The following ADARB2 variants were observed in gnomAD, a reference collection of about 807,000 sequenced individuals.
The protein encoded by ADARB2 is inactive double-stranded RNA-specific editase B2.
ADARB2 carries 25 observed loss-of-function variants against 62.2 expected under a neutral mutation model. The ratio of observed to expected loss-of-function variants is 0.40; its 90% CI spans 0.29 to 0.56. The LOEUF (loss-of-function observed/expected upper bound fraction) is 0.56. Among genes scored for constraint, ADARB2 ranks in the 20% least tolerant of loss-of-function variants. The pLI is 0.43. For missense variants in ADARB2, 1,071 were observed against 1,077.4 expected (o/e 0.99, Z 0.08); for synonymous variants, 572 against 500.8 (o/e 1.14, Z -1.90).
intron 1 of ADARB2, among the ~76,000 whole-genome samples, chr10:1,544,007 A>C (rs1164938554): frequency 2.1e-4 from 6 of 28,228 alleles, no homozygotes; most frequent in East Asian, 3.7e-3. Flanking sequence ...CCAAAAAAAA[A>C]AAAAAACAAA....
At chr10:1,352,824 C>A (rs1410564685) in intron 3 of ADARB2, among the ~76,000 whole-genome samples, 2 of 152,164 alleles carry the variant, frequency 1.3e-5, no homozygotes, top group Non-Finnish European at 1.5e-5. Flanking sequence ...GATACCACAC[C>A]TGACCCTCAT....
At chr10:1,188,184 C>T (rs77194440) in intron 8 of ADARB2, 1,877 of 152,520 alleles carry the variant, frequency 0.012, 31 homozygotes, top group East Asian at 0.04. Flanking sequence ...CTCTACTTCA[C>T]GAGGTGATGT....
intron 6 of ADARB2, among the ~76,000 whole-genome samples, chr10:1,221,612 C>T (rs1830696905): frequency 6.6e-6 from 1 of 151,528 alleles, no homozygotes; most frequent in Non-Finnish European, 1.5e-5. Flanking sequence ...GTTCCCCTTC[C>T]TGTGTCCATG....
At chr10:1,649,629 C>T (rs1487563055) in intron 1 of ADARB2, among the ~76,000 whole-genome samples, 2 of 152,204 alleles carry the variant, frequency 1.3e-5, no homozygotes, top group Non-Finnish European at 2.9e-5. Flanking sequence ...ACCCTATAAC[C>T]TGGGCCAGAT....
At chr10:1,540,631 C>T (rs113706838) in intron 1 of ADARB2, among the ~76,000 whole-genome samples, 1 of 89,198 alleles carries the variant, frequency 1.1e-5, no homozygotes, top group African/African-American at 3.9e-5. Context: ...CCCTGGATCA[C>T]AGCCGTCCAG....
rs1038396995 is a variant in ADARB2 at position 1,179,473 on chromosome 10, C to G, written c.*3720G>C. The stretch of plus-strand genomic sequence containing the variant: ...ACCCACAGAAACCCTAACTCTATCC[C>G]TTGATATCACACACGGCTGCAAAAC... On this transcript the variant is annotated 3_prime_UTR_variant, in exon 10 of 10. Transcript: ENST00000381312. The G allele has an allele frequency of 6.6e-6, 1 of 152,270 alleles. No individual in the cohort carries two copies. The highest frequency in any genetic ancestry group is 1.5e-5 in the Non-Finnish European group (1 of 68,054). 9.4% of individuals were successfully genotyped at this position (152,270 alleles called of 1,614,324 possible). A position where few individuals can be genotyped will look rare whatever the true frequency, so the allele number is the denominator to read the frequency against.
intron 1 of ADARB2, among the ~76,000 whole-genome samples, chr10:1,389,579 C>A (rs1832551465): frequency 6.6e-6 from 1 of 151,872 alleles, no homozygotes; most frequent in African/African-American, 2.4e-5. Context: ...CCCATCTCTA[C>A]AAAAAATACA....
At chr10:1,302,488 C>A (rs1439093250) in intron 3 of ADARB2, among the ~76,000 whole-genome samples, 1 of 152,220 alleles carries the variant, frequency 6.6e-6, no homozygotes, top group African/African-American at 2.4e-5. Context: ...CTTAGGTAAA[C>A]AAAGCAGCCG....
At chr10:1,288,036 G>A (rs968706232) in intron 3 of ADARB2, among the ~76,000 whole-genome samples, 2 of 152,208 alleles carry the variant, frequency 1.3e-5, no homozygotes, top group African/African-American at 4.8e-5. Context: ...CCCAAAGCAC[G>A]CTTGCCTCTG....
chr10:1,573,697 G>C (rs575100780), intron 1 of ADARB2, among the ~76,000 whole-genome samples: 2 of 152,166 alleles, frequency 1.3e-5, no homozygotes, highest in African/African-American at 2.4e-5. Flanking sequence ...TGGGGTTCTC[G>C]TTATGAGGTT....
rs149301130 is a variant in ADARB2, at chr10:1,497,567, A to T, written c.101-118407T>A. 5.3e-4 allele frequency among the ~76,000 whole-genome samples: 81 copies of T among 152,348 alleles called. No homozygotes were observed. In the South Asian group the frequency reaches 7.5e-3, roughly 14 times the overall value. On this transcript the variant is annotated intron_variant, in intron 1 of 9. Coordinates refer to ENST00000381312, the MANE Select transcript of ADARB2 (RefSeq NM_018702.4). ...CTTATTGTTCTCCTTTCTCTTATAA[A>T]TAATTGATTCAAAACTATTTATAAA...
intron 6 of ADARB2, among the ~76,000 whole-genome samples, chr10:1,233,214 T>A (rs1830826453): frequency 6.6e-6 from 1 of 152,162 alleles, no homozygotes; most frequent in Non-Finnish European, 1.5e-5. Flanking sequence ...CGATAAATGC[T>A]CACAGGGCGG....
At chr10:1,222,243 C>A (rs537524178) in intron 6 of ADARB2, among the ~76,000 whole-genome samples, 1 of 152,118 alleles carries the variant, frequency 6.6e-6, no homozygotes, top group African/African-American at 2.4e-5. Flanking sequence ...TCATATCCTT[C>A]GCCCACTTTT....
intron 1 of ADARB2, among the ~76,000 whole-genome samples, chr10:1,437,251 T>C (rs199858584): frequency 0.018 from 49 of 2,674 alleles, no homozygotes; most frequent in Admixed American, 0.088. Flanking sequence ...CACATATATA[T>C]ACACACACAC....
intron 3 of ADARB2, among the ~76,000 whole-genome samples, chr10:1,338,692 C>G (rs1250612560): frequency 6.6e-6 from 1 of 152,180 alleles, no homozygotes; most frequent in Non-Finnish European, 1.5e-5. Context: ...AGCTCACAGC[C>G]CCAGCCTTAG....
chr10:1,608,047 G>A (rs1833515992), intron 1 of ADARB2, among the ~76,000 whole-genome samples: 1 of 152,198 alleles, frequency 6.6e-6, no homozygotes, highest in Non-Finnish European at 1.5e-5. Context: ...AACTGACGTA[G>A]GTTTCAGGGG....
At chr10:1,552,139 T>A (rs7070465) in intron 1 of ADARB2, among the ~76,000 whole-genome samples, 1 of 152,130 alleles carries the variant, frequency 6.6e-6, no homozygotes, top group Non-Finnish European at 1.5e-5. Context: ...AGGCTGCTCC[T>A]GGCCACTCCC....
chr10:1,313,407 C>T (rs1422251442), intron 3 of ADARB2, among the ~76,000 whole-genome samples: 1 of 152,200 alleles, frequency 6.6e-6, no homozygotes, highest in African/African-American at 2.4e-5. Context: ...CATGAGGCCT[C>T]ACTGAGTGCC....
At chr10:1,521,790 C>T (rs1056231095) in intron 1 of ADARB2, among the ~76,000 whole-genome samples, 1 of 121,858 alleles carries the variant, frequency 8.2e-6, no homozygotes, top group African/African-American at 3.0e-5. Flanking sequence ...CCCCCCACTA[C>T]CCCCAACCCC....
Sources: allele counts gnomAD v4.1 joint callset (sites outside exome capture counted in the v4.1 genomes callset), GRCh38; gene constraint gnomAD v4.1.1; transcripts MANE v1.5; gene names NCBI Gene and HGNC (gene_info 2026-07-23, HGNC 2026-07-21).